Variants in SLC41A3 observed in about 807,000 individuals in gnomAD.
SLC41A3 encodes the protein solute carrier family 41 member 3.
A neutral mutation model predicts 45.4 loss-of-function variants in SLC41A3; 44 were observed. The observed-to-expected ratio is 0.97, with a 90% CI of 0.76 to 1.25. The LOEUF (loss-of-function observed/expected upper bound fraction) is 1.25, where lower values mean the gene tolerates loss of function less well. Among genes scored for constraint, SLC41A3 ranks in the 50% most tolerant of loss-of-function variants. The pLI is 0.00. For missense variants in SLC41A3, 550 were observed against 600.6 expected (o/e 0.92, Z 0.88); for synonymous variants, 256 against 252.4 (o/e 1.01, Z -0.13).
At chr3:126,041,107 A>G (rs929800015) in intron 3 of SLC41A3, among the ~76,000 whole-genome samples, 4 of 152,230 alleles carry the variant, frequency 2.6e-5, no homozygotes, top group Non-Finnish European at 4.4e-5. Context: ...GATGACTTCA[A>G]TAGCACAGTG....
chr3:126,036,016 T>C (rs1212280314), intron 3 of SLC41A3, among the ~76,000 whole-genome samples: 1 of 152,166 alleles, frequency 6.6e-6, no homozygotes. Context: ...AACCCAGATT[T>C]TCCTCAATAG....
In SLC41A3 at chr3:126,031,565, C is replaced by T. The variant is rs150294606; in HGVS notation, c.453+2042G>A. 4.6e-3 allele frequency among the ~76,000 whole-genome samples: 696 copies of T among 152,246 alleles called. 5 individuals carry two copies. Among genetic ancestry groups the T allele is most frequent in the Non-Finnish European group, 7.4e-3 (504 of 68,018 alleles). On this transcript the variant is annotated intron_variant, in intron 4 of 10. Transcript: ENST00000360370. Reference sequence around the variant, plus strand: ...GAATATGCTGAAGTTCTTAAAAAGTCCAATGAATAAAACTTATTGCACTGC... The same window carrying T: ...GAATATGCTGAAGTTCTTAAAAAGTTCAATGAATAAAACTTATTGCACTGC...
intron 8 of SLC41A3, among the ~76,000 whole-genome samples, chr3:126,012,959 G>GC (rs551633611): frequency 7.0e-4 from 107 of 152,282 alleles, no homozygotes; most frequent in Non-Finnish European, 1.3e-3. Flanking sequence ...GGGAGTAACT[G>GC]CATCACCTTG....
At chr3:126,029,653 C>A (rs1941650827) in intron 4 of SLC41A3, among the ~76,000 whole-genome samples, 1 of 152,188 alleles carries the variant, frequency 6.6e-6, no homozygotes, top group South Asian at 2.1e-4. Flanking sequence ...TAATTCCAGT[C>A]AAAGTCCCAA....
intron 6 of SLC41A3, among the ~76,000 whole-genome samples, chr3:126,019,157 G>A (rs1490579981): frequency 1.3e-5 from 2 of 152,170 alleles, no homozygotes; most frequent in Non-Finnish European, 2.9e-5. Flanking sequence ...CGGAGGTGGC[G>A]CAAGGCACCA....
intron 5 of SLC41A3, chr3:126,025,625 G>A (rs1453984967): frequency 2.6e-5 from 4 of 152,072 alleles, no homozygotes; most frequent in South Asian, 2.1e-4. Context: ...GGGGCCCCAC[G>A]AATGAGATGA....
chr3:126,059,307 A>AAAGG (rs1330224854), intron 2 of SLC41A3, among the ~76,000 whole-genome samples: 9,255 of 59,432 alleles, frequency 0.16, 2,608 homozygotes, highest in South Asian at 0.19. Flanking sequence ...AGAAAGAAAG[A>AAAGG]AAGGAAGGAT....
At chr3:126,091,478 G>A (rs991898096) in intron 1 of SLC41A3, among the ~76,000 whole-genome samples, 2 of 152,194 alleles carry the variant, frequency 1.3e-5, no homozygotes, top group African/African-American at 2.4e-5. Flanking sequence ...ATTCAAAGAC[G>A]TCCTGACTGG....
intron 10 of SLC41A3, among the ~76,000 whole-genome samples, chr3:126,007,828 C>G (rs1049606199): frequency 6.6e-6 from 1 of 152,202 alleles, no homozygotes; most frequent in Non-Finnish European, 1.5e-5. Flanking sequence ...AGTGCCAGTA[C>G]CAGCACCACA....
chr3:126,046,380 CAA>C (rs1491565894), intron 3 of SLC41A3, among the ~76,000 whole-genome samples: 3 of 147,926 alleles, frequency 2.0e-5, no homozygotes, highest in African/African-American at 7.4e-5. Context: ...CACACACACA[CAA>C]ATTTTTATAA....
chr3:126,064,693 GCCTTTCTAGA>G (rs1944260601), intron 2 of SLC41A3, among the ~76,000 whole-genome samples: 1 of 152,082 alleles, frequency 6.6e-6, no homozygotes, highest in South Asian at 2.1e-4. Context: ...TGCCCTCCTG[GCCTTTCTAGA>G]CCGCTCGGTG....
At chr3:126,085,144 C>CCCT (rs1352331026), upstream of SLC41A3, among the ~76,000 whole-genome samples, 1 of 152,160 alleles carries the variant, frequency 6.6e-6, no homozygotes, top group East Asian at 1.9e-4. Flanking sequence ...CCTAGAACCA[C>CCCT]CCTCCCCCTC....
intron 1 of SLC41A3, among the ~76,000 whole-genome samples, chr3:126,098,242 C>G (rs933818816): frequency 6.6e-6 from 1 of 152,112 alleles, no homozygotes; most frequent in Non-Finnish European, 1.5e-5. Flanking sequence ...AGGTGGGGCT[C>G]TAATCCAGTA....
In SLC41A3 at chr3:126,022,818, G is replaced by C; in HGVS notation, c.713C>G (p.Ala238Gly). Residue 238 changes from alanine to glycine, a missense_variant, in exon 6 of 11, where the codon GCT becomes GGT. Transcript: ENST00000360370. The part of the protein sequence containing the change: ...LGDLITLSIL[A>G]LVSSFFYRHK... Reference sequence around the variant, plus strand: ...TCTGTAGAAGAAGCTGCTAACCAAAGCCAGAATGGACAGTGTGATGAGGTC... The same window carrying C: ...TCTGTAGAAGAAGCTGCTAACCAAACCCAGAATGGACAGTGTGATGAGGTC... The C allele has an allele frequency of 6.2e-7, 1 of 1,614,234 alleles. No individual in the cohort carries two copies. Among genetic ancestry groups the C allele is most frequent in the Non-Finnish European group, 8.5e-7 (1 of 1,180,042 alleles).
At position 126,037,352 on chromosome 3, in the gene SLC41A3, G is replaced by A. The variant is rs553806545; in HGVS notation, c.382-3674C>T. ...GAAGAAGACAGGAAGATAAGGGAAA[G>A]TTTGGAACTTCGTACAGACTTGTTA... On this transcript the variant is annotated intron_variant, in intron 3 of 10. Transcript: ENST00000360370. Among the ~76,000 whole-genome samples, 72 of 152,336 alleles carry A rather than the reference G, an allele frequency of 4.7e-4. 1 individual carries two copies. In the Middle Eastern group the frequency reaches 0.02, roughly 43 times the overall value.
At chr3:126,019,231 C>T (rs1353800216) in intron 6 of SLC41A3, among the ~76,000 whole-genome samples, 1 of 152,142 alleles carries the variant, frequency 6.6e-6, no homozygotes, top group African/African-American at 2.4e-5. Flanking sequence ...CCACCAGTCC[C>T]ACTCCCATGG....
intron 2 of SLC41A3, chr3:126,067,506 C>A (rs2108015430): frequency 2.6e-6 from 1 of 386,814 alleles, no homozygotes; most frequent in Non-Finnish European, 5.1e-6. Context: ...GGAGAAAAGG[C>A]AGCCGTCTGC....
chr3:126,024,127 C>G (rs1169265079), intron 5 of SLC41A3: 1 of 152,246 alleles, frequency 6.6e-6, no homozygotes, highest in East Asian at 1.9e-4. Flanking sequence ...CCTGAGGCTT[C>G]TGTGATAGCC....
At chr3:126,084,901 C>T (rs1945342745), upstream of SLC41A3, among the ~76,000 whole-genome samples, 1 of 152,230 alleles carries the variant, frequency 6.6e-6, no homozygotes, top group South Asian at 2.1e-4. Context: ...GGAGGCCGAA[C>T]ATGCCTCATT....
Sources: gnomAD v4.1 joint callset for allele counts (sites outside exome capture counted in the v4.1 genomes callset) on GRCh38, gnomAD v4.1.1 for gene constraint, MANE v1.5 for transcripts, NCBI Gene and HGNC (gene_info 2026-07-23, HGNC 2026-07-21) for gene names.